The following RASSF3 variants were observed in gnomAD, a reference collection of about 807,000 sequenced individuals.
RASSF3 encodes ras association domain-containing protein 3.
Under a neutral mutation model 19.9 loss-of-function variants are expected in RASSF3, and 19 were observed. The observed-to-expected ratio is 0.96, with a 90% CI of 0.67 to 1.40. RASSF3 has a LOEUF of 1.40. RASSF3 is among the 40% of genes most tolerant of loss of function. RASSF3 has a pLI of 0.00. For synonymous variants in RASSF3, 110 were observed against 104.2 expected, an observed-to-expected ratio of 1.06 and a Z score of -0.34; for missense variants, 306 against 289.8, an observed-to-expected ratio of 1.06 and a Z score of -0.41.
chr12:64,522,666 T>G (rs1868503489), intron 1 of RASSF3, among the ~76,000 whole-genome samples: 2 of 152,150 alleles, frequency 1.3e-5, no homozygotes, highest in South Asian at 4.1e-4. Context: ...ATGAAACTTG[T>G]GTGCCAGGAG....
intron 2 of RASSF3, among the ~76,000 whole-genome samples, chr12:64,589,959 G>A (rs1869888681): frequency 6.8e-6 from 1 of 146,570 alleles, no homozygotes; most frequent in Admixed American, 7.0e-5. Flanking sequence ...CCAAGATCAT[G>A]CCCCTGTACT....
chr12:64,668,536 A>G (rs575746447), intron 1 of RASSF3, among the ~76,000 whole-genome samples: 1 of 152,184 alleles, frequency 6.6e-6, no homozygotes, highest in Non-Finnish European at 1.5e-5. Flanking sequence ...GGCTTCGAAA[A>G]TGCTGGGATT....
intron 1 of RASSF3, among the ~76,000 whole-genome samples, chr12:64,512,234 G>C (rs1868332679): frequency 1.3e-5 from 2 of 152,234 alleles, no homozygotes; most frequent in African/African-American, 2.4e-5. Flanking sequence ...CCTCCTAGTA[G>C]AATGTACTCT....
At chr12:64,648,622 A>G (rs551689830) in intron 1 of RASSF3, among the ~76,000 whole-genome samples, 26 of 151,740 alleles carry the variant, frequency 1.7e-4, no homozygotes, top group Non-Finnish European at 2.8e-4. Context: ...AGCTGGGACT[A>G]CAGGCATGCG....
chr12:64,544,617 CA>C (rs11311480), downstream of RASSF3, among the ~76,000 whole-genome samples: 49,634 of 141,882 alleles, frequency 0.35, 9,941 homozygotes, highest in East Asian at 0.66. Flanking sequence ...GACCCTGTCT[CA>C]AAAAAAAAAA....
intron 1 of RASSF3, among the ~76,000 whole-genome samples, chr12:64,510,207 CCA>C (rs1269642989): frequency 6.6e-6 from 1 of 152,074 alleles, no homozygotes; most frequent in Non-Finnish European, 1.5e-5. Flanking sequence ...TCTTCTATCT[CCA>C]GTGTTTAACA....
At chr12:64,534,346 C>A (rs562817004) in intron 1 of RASSF3, among the ~76,000 whole-genome samples, 2 of 151,914 alleles carry the variant, frequency 1.3e-5, no homozygotes, top group Admixed American at 6.6e-5. Context: ...TAACAAAAAA[C>A]TAGCCAGTCA....
At chr12:64,634,372 A>G (rs1435266270) in intron 1 of RASSF3, among the ~76,000 whole-genome samples, 1 of 145,422 alleles carries the variant, frequency 6.9e-6, no homozygotes, top group South Asian at 2.2e-4. Flanking sequence ...AGTTCTTACT[A>G]TGTTATCCAG....
intron 1 of RASSF3, among the ~76,000 whole-genome samples, chr12:64,526,645 GCA>G (rs1868593148): frequency 6.6e-6 from 1 of 152,088 alleles, no homozygotes; most frequent in Non-Finnish European, 1.5e-5. Flanking sequence ...CTGGGCTCAA[GCA>G]ATTCTCCCAC....
chr12:64,577,084 T>C (rs1221252379), intron 2 of RASSF3, among the ~76,000 whole-genome samples: 1 of 152,218 alleles, frequency 6.6e-6, no homozygotes, highest in East Asian at 1.9e-4. Flanking sequence ...CTATGAATGA[T>C]AAACTAAGAA....
intron 4 of RASSF3, among the ~76,000 whole-genome samples, chr12:64,693,611 G>A (rs1189420736): frequency 6.6e-6 from 1 of 152,044 alleles, no homozygotes; most frequent in Non-Finnish European, 1.5e-5. Flanking sequence ...TAGCGACCTG[G>A]TGTCACTATT....
Position 64,524,468 on chromosome 12 carries a change from C to T in RASSF3, c.170-17113C>T, listed in dbSNP as rs73315563. On this transcript the variant is annotated intron_variant, in intron 1 of 5. Coordinates refer to the RASSF3 transcript ENST00000637125. ...TGTTTCTAAAGTTCAAGTGTGCTCA[C>T]GTCATTCCCAAGTCACACTGTTTTG... 4.4e-3 allele frequency among the ~76,000 whole-genome samples: 668 copies of T among 152,108 alleles called. 5 individuals are homozygous for T. Among genetic ancestry groups the T allele is most frequent in the African/African-American group, 0.015 (636 of 41,478 alleles).
At chr12:64,590,768 A>G (rs1869907708) in intron 2 of RASSF3, among the ~76,000 whole-genome samples, 1 of 152,190 alleles carries the variant, frequency 6.6e-6, no homozygotes, top group Non-Finnish European at 1.5e-5. Context: ...TCTCAGTAGT[A>G]GGTCAGCTGT....
chr12:64,650,397 CTTTTTTTTTCCTTTTT>C (rs1871900985), intron 1 of RASSF3, among the ~76,000 whole-genome samples: 1 of 101,986 alleles, frequency 9.8e-6, no homozygotes, highest in Non-Finnish European at 2.1e-5. Flanking sequence ...GGAGGTGTTT[CTTTTTTTTTCCTTTTT>C]TTTTTTTTTT....
chr12:64,589,535 C>T (rs1004215706), intron 2 of RASSF3, among the ~76,000 whole-genome samples: 1 of 152,228 alleles, frequency 6.6e-6, no homozygotes, highest in Non-Finnish European at 1.5e-5. Flanking sequence ...TAGCCCTCCA[C>T]ATGCCAGTAT....
chr12:64,591,440 C>T (rs911197807), intron 2 of RASSF3, among the ~76,000 whole-genome samples: 2 of 151,332 alleles, frequency 1.3e-5, no homozygotes, highest in Non-Finnish European at 2.9e-5. Context: ...CCCGCCACTG[C>T]ACTCCAGGCC....
At chr12:64,554,240 T>A (rs921632846) in intron 2 of RASSF3, among the ~76,000 whole-genome samples, 2 of 152,172 alleles carry the variant, frequency 1.3e-5, no homozygotes, top group African/African-American at 4.8e-5. Context: ...GCACTGGGCT[T>A]AGCAAATGGA....
chr12:64,697,418 G>A lies in RASSF3; in HGVS notation c.*2506G>A, dbSNP rs1868401700. 1 of 152,128 alleles carries A rather than the reference G, an allele frequency of 6.6e-6. No homozygotes were observed. The highest frequency in any genetic ancestry group is 6.6e-5 in the Admixed American group (1 of 15,266). The allele number at this position is 152,128 out of a possible 1,614,324, so 9.4% of individuals were successfully genotyped here. ...GTTAAATGAAGGGGTGGTATTGCAG[G>A]AGAGCATTTTAAATGGCAGAAGTAA... is the stretch of plus-strand genomic sequence containing the variant. On this transcript the variant is annotated 3_prime_UTR_variant, in exon 5 of 5. Transcript: ENST00000542104.
At chr12:64,613,578 T>A (rs1010238345) in intron 1 of RASSF3, among the ~76,000 whole-genome samples, 12 of 152,036 alleles carry the variant, frequency 7.9e-5, no homozygotes, top group African/African-American at 2.7e-4. Context: ...ATAAAGAAAA[T>A]GTTTTCATTT....
Sources: allele counts gnomAD v4.1 joint callset (sites outside exome capture counted in the v4.1 genomes callset), GRCh38; gene constraint gnomAD v4.1.1; transcripts MANE v1.5; gene names NCBI Gene and HGNC (gene_info 2026-07-23, HGNC 2026-07-21).